TRABD2B: variants seen among roughly 807,000 people sequenced by gnomAD.
The protein encoded by TRABD2B is metalloprotease TIKI2.
Under a neutral mutation model 40.1 loss-of-function variants are expected in TRABD2B, and 14 were observed. That is an observed-to-expected ratio of 0.35 (90% CI 0.23 to 0.55). The LOEUF (loss-of-function observed/expected upper bound fraction) is 0.55, where lower values mean the gene tolerates loss of function less well. TRABD2B is among the 20% of genes least tolerant of loss of function. The pLI, the probability that TRABD2B is intolerant of heterozygous loss-of-function variation, is 0.90. For synonymous variants in TRABD2B, 263 were observed against 277.0 expected (o/e 0.95, Z 0.50); for missense variants, 541 against 648.6 (o/e 0.83, Z 1.80).
chr1:47,824,141 G>A (rs1645145528), intron 2 of TRABD2B, among the ~76,000 whole-genome samples: 1 of 152,140 alleles, frequency 6.6e-6, no homozygotes, highest in South Asian at 2.1e-4. Context: ...ACTGCACAGG[G>A]TTGCTGTGAG....
intron 2 of TRABD2B, among the ~76,000 whole-genome samples, chr1:47,896,303 G>A (rs1025061094): frequency 5.3e-5 from 8 of 152,188 alleles, no homozygotes; most frequent in Non-Finnish European, 1.0e-4. Flanking sequence ...GGGGTCTCGG[G>A]TTACAGAGAG....
At chr1:47,892,179 G>A (rs148634748) in intron 2 of TRABD2B, among the ~76,000 whole-genome samples, 119 of 152,358 alleles carry the variant, frequency 7.8e-4, no homozygotes, top group African/African-American at 2.7e-3. Flanking sequence ...GAAGGGTGGG[G>A]AGAAGTAGTG....
rs545983307 is a variant in TRABD2B, at chr1:47,807,666, T to C, written c.667-6047A>G. ...TGTGTGTGTGTTTCTATCTCAAATA[T>C]CTTTGCTTTCTTCCCTCTCATCCCT... is the stretch of plus-strand genomic sequence containing the variant. On this transcript the variant is annotated intron_variant, in intron 2 of 6. Coordinates refer to ENST00000606738, the MANE Select transcript of TRABD2B (RefSeq NM_001194986.2). 1.6e-3 allele frequency among the ~76,000 whole-genome samples: 250 copies of C among 152,320 alleles called. 3 individuals carry two copies. Among genetic ancestry groups the C allele is most frequent in the Admixed American group, 3.8e-3 (58 of 15,300 alleles).
intron 2 of TRABD2B, among the ~76,000 whole-genome samples, chr1:47,827,084 G>A (rs1339459140): frequency 6.6e-6 from 1 of 152,178 alleles, no homozygotes; most frequent in Non-Finnish European, 1.5e-5. Context: ...TGTAGGGTGG[G>A]GAGGGCGAGG....
chr1:47,945,499 T>G (rs954397033), intron 2 of TRABD2B, among the ~76,000 whole-genome samples: 1 of 152,162 alleles, frequency 6.6e-6, no homozygotes, highest in Non-Finnish European at 1.5e-5. Context: ...TTGATGAACA[T>G]GTACAGTCAT....
intron 5 of TRABD2B, among the ~76,000 whole-genome samples, chr1:47,777,873 C>T (rs763458046): frequency 2.0e-5 from 3 of 152,162 alleles, no homozygotes; most frequent in Admixed American, 6.5e-5. Flanking sequence ...TCCCTACCCT[C>T]GGGCAGCTCC....
At chr1:47,989,135 G>A (rs976643908) in intron 2 of TRABD2B, among the ~76,000 whole-genome samples, 2 of 152,084 alleles carry the variant, frequency 1.3e-5, no homozygotes, top group Non-Finnish European at 2.9e-5. Flanking sequence ...AAATCCGCTG[G>A]TACCTTGATC....
chr1:47,891,908 T>A (rs1250609589), intron 2 of TRABD2B, among the ~76,000 whole-genome samples: 1 of 151,860 alleles, frequency 6.6e-6, no homozygotes, highest in Non-Finnish European at 1.5e-5. Flanking sequence ...AGTAATGGTG[T>A]CAGTGGTCCA....
chr1:47,812,118 A>C (rs1361235926), intron 2 of TRABD2B, among the ~76,000 whole-genome samples: 2 of 152,182 alleles, frequency 1.3e-5, no homozygotes, highest in Non-Finnish European at 2.9e-5. Flanking sequence ...TCTGCTGTGA[A>C]TCTTCTATTT....
At chr1:47,797,913 A>G (rs1271726067) in intron 3 of TRABD2B, among the ~76,000 whole-genome samples, 1 of 152,142 alleles carries the variant, frequency 6.6e-6, no homozygotes, top group African/African-American at 2.4e-5. Flanking sequence ...GGATGAGTTC[A>G]GTGTAGTCTT....
chr1:47,804,656 G>C (rs1644867552), intron 2 of TRABD2B, among the ~76,000 whole-genome samples: 1 of 152,208 alleles, frequency 6.6e-6, no homozygotes, highest in Non-Finnish European at 1.5e-5. Context: ...AGTGAATTTA[G>C]TATGTTATAA....
chr1:47,915,335 A>G (rs1644816297), intron 2 of TRABD2B, among the ~76,000 whole-genome samples: 1 of 152,184 alleles, frequency 6.6e-6, no homozygotes, highest in African/African-American at 2.4e-5. Context: ...TGAAGTTGGG[A>G]ATACCTTGCT....
At chr1:47,855,446 T>C (rs1643881136) in intron 2 of TRABD2B, among the ~76,000 whole-genome samples, 2 of 152,218 alleles carry the variant, frequency 1.3e-5, no homozygotes, top group Non-Finnish European at 2.9e-5. Context: ...CAGTATGGGA[T>C]ATCGTTCTGT....
intron 2 of TRABD2B, among the ~76,000 whole-genome samples, chr1:47,804,557 C>T (rs1001309649): frequency 6.6e-6 from 1 of 152,204 alleles, no homozygotes; most frequent in African/African-American, 2.4e-5. Context: ...GAAGAGCTGA[C>T]TGGAGGAGAA....
chr1:47,816,564 T>C (rs1284236913), intron 2 of TRABD2B, among the ~76,000 whole-genome samples: 1 of 152,156 alleles, frequency 6.6e-6, no homozygotes, highest in African/African-American at 2.4e-5. Context: ...GCCATTCCCA[T>C]CATCTCTCCC....
At chr1:47,780,727 T>C (rs1318889066) in intron 4 of TRABD2B, among the ~76,000 whole-genome samples, 1 of 152,142 alleles carries the variant, frequency 6.6e-6, no homozygotes, top group East Asian at 1.9e-4. Context: ...GGGAACAGCA[T>C]GTGCAATGAC....
Position 47,765,787 on chromosome 1 carries a change from A to G in TRABD2B, c.*115T>C. ...AGCTCTAGAGTGTCTAGCCAATCCC[A>G]TGTGGACTGCCCTCGACGTGTTGGG... On this transcript the variant is annotated 3_prime_UTR_variant, in exon 7 of 7. Coordinates refer to ENST00000606738, the MANE Select transcript of TRABD2B (RefSeq NM_001194986.2). 1.4e-6 allele frequency: 1 copy of G among 701,174 alleles called. No individual in the cohort carries two copies. 43.4% of individuals were successfully genotyped at this position (701,174 alleles called of 1,614,324 possible). A position where few individuals can be genotyped will look rare whatever the true frequency, so the allele number is the denominator to read the frequency against.
rs145883479 is a variant in TRABD2B, at chr1:47,780,951, C to T, written c.989-2407G>A. On this transcript the variant is annotated intron_variant, in intron 4 of 6. Transcript: ENST00000606738. ...AGCCTCAGTTTTCTTGTGCGTCAAA[C>T]GGGCCTACAGTTCTTTGACCGACTC... Among the ~76,000 whole-genome samples the T allele has an allele frequency of 5.3e-3, 805 of 152,340 alleles. 6 individuals are homozygous for T. Among genetic ancestry groups the T allele is most frequent in the African/African-American group, 0.018 (759 of 41,572 alleles).
intron 3 of TRABD2B, among the ~76,000 whole-genome samples, chr1:47,798,614 T>C (rs1296826729): frequency 1.3e-5 from 2 of 152,156 alleles, no homozygotes; most frequent in Admixed American, 6.5e-5. Context: ...CAGATGTTGC[T>C]TCCTCATCCT....
Sources: allele counts gnomAD v4.1 joint callset (sites outside exome capture counted in the v4.1 genomes callset), GRCh38; gene constraint gnomAD v4.1.1; transcripts MANE v1.5; gene names NCBI Gene and HGNC (gene_info 2026-07-23, HGNC 2026-07-21).